TENM3: variants seen among roughly 807,000 people sequenced by gnomAD.
TENM3 encodes teneurin transmembrane protein 3.
A neutral mutation model predicts 255.1 loss-of-function variants in TENM3; 63 were observed. The ratio of observed to expected loss-of-function variants is 0.25; its 90% CI spans 0.20 to 0.30. The LOEUF (loss-of-function observed/expected upper bound fraction) is 0.30. TENM3 is among the 10% of genes least tolerant of loss of function. The pLI is 1.00. For missense variants in TENM3, 2,929 were observed against 3,461.1 expected (o/e 0.85, Z 3.86); for synonymous variants, 1,306 against 1,322.3 (o/e 0.99, Z 0.27).
chr4:182,708,818 G>A (rs1272407119), intron 12 of TENM3, among the ~76,000 whole-genome samples: 1 of 147,936 alleles, frequency 6.8e-6, no homozygotes, highest in African/African-American at 2.5e-5. Flanking sequence ...AAAAAAAGAT[G>A]TGAGACCCAG....
chr4:181,482,314 A>C, the TENM3 span, among the ~76,000 whole-genome samples: 9 of 152,132 alleles, frequency 5.9e-5, no homozygotes, highest in Admixed American at 5.9e-4. Context: ...TTATCACTTA[A>C]TACATCAACA....
chr4:182,759,525 T>C (rs1762972407), intron 22 of TENM3, among the ~76,000 whole-genome samples: 1 of 152,266 alleles, frequency 6.6e-6, no homozygotes. Flanking sequence ...TATTGCATGT[T>C]TGCTCACTGT....
At chr4:182,473,480 T>C (rs780037457) in intron 3 of TENM3, among the ~76,000 whole-genome samples, 5 of 152,164 alleles carry the variant, frequency 3.3e-5, no homozygotes, top group East Asian at 1.9e-4. Flanking sequence ...GAGACCATGC[T>C]GGCTAACACA....
chr4:182,600,945 GC>G lies in TENM3; in HGVS notation c.535del (p.Gln179SerfsTer30). 1 of 1,352,484 alleles carries G rather than the reference GC, an allele frequency of 7.4e-7. No homozygotes were observed. The highest frequency in any genetic ancestry group is 1.0e-6 in the Non-Finnish European group (1 of 985,542). 83.8% of individuals were successfully genotyped at this position (1,352,484 alleles called of 1,614,324 possible). Reference protein sequence around the residue: ...SENEQPASNQGQSTLQPLPPS... With the variant: ...SENEQPASNQXQSTLQPLPPS... ...TCAGAGCAACCTGCAAGCAATCAAG[GC>G]CAGTCTACCCTGCAGCCCTTGCCGC... On this transcript the variant is annotated frameshift_variant, in exon 4 of 28. Transcript: ENST00000511685. LOFTEE classifies it high-confidence loss of function.
the TENM3 span, among the ~76,000 whole-genome samples, chr4:181,676,813 C>A: frequency 4.6e-5 from 7 of 152,182 alleles, no homozygotes; most frequent in African/African-American, 1.7e-4. Context: ...CAAAATGATT[C>A]ACTTTGATAA....
intron 22 of TENM3, among the ~76,000 whole-genome samples, chr4:182,763,964 T>G (rs1314241145): frequency 6.6e-6 from 1 of 152,194 alleles, no homozygotes; most frequent in African/African-American, 2.4e-5. Context: ...AGATTTCTAG[T>G]TTTTTAACTT....
intron 3 of TENM3, among the ~76,000 whole-genome samples, chr4:182,561,985 C>CAGATAGATAGAT (rs60745078): frequency 0.018 from 2,618 of 145,268 alleles, 27 homozygotes; most frequent in African/African-American, 0.026. Flanking sequence ...GATAGATAGA[C>CAGATAGATAGAT]AGATAGATAG....
At chr4:182,759,597 A>ATAAT (rs1389962121) in intron 22 of TENM3, among the ~76,000 whole-genome samples, 1 of 152,232 alleles carries the variant, frequency 6.6e-6, no homozygotes, top group Non-Finnish European at 1.5e-5. Context: ...ATTAAACAAA[A>ATAAT]TAATAACTTC....
chr4:182,104,376 G>C, the TENM3 span, among the ~76,000 whole-genome samples: 2 of 151,956 alleles, frequency 1.3e-5, no homozygotes, highest in Non-Finnish European at 2.9e-5. Flanking sequence ...ATATCTTGTA[G>C]GTCACTCCTT....
At chr4:182,327,050 C>T (rs1299997886) in intron 2 of TENM3, among the ~76,000 whole-genome samples, 5 of 152,006 alleles carry the variant, frequency 3.3e-5, no homozygotes, top group South Asian at 2.1e-4. Flanking sequence ...AGGAGAGAAA[C>T]GAGTAAGGAA....
the TENM3 span, among the ~76,000 whole-genome samples, chr4:181,567,810 C>G: frequency 1.3e-5 from 2 of 152,024 alleles, no homozygotes; most frequent in East Asian, 3.9e-4. Flanking sequence ...TAGATAAATA[C>G]TATTACTGCT....
the TENM3 span, among the ~76,000 whole-genome samples, chr4:182,057,179 G>T: frequency 6.6e-6 from 1 of 151,660 alleles, no homozygotes; most frequent in Non-Finnish European, 1.5e-5. Context: ...TGCATTGGAT[G>T]ATAAGTATTT....
chr4:182,288,179 AC>A (rs1760870523), intron 1 of TENM3, among the ~76,000 whole-genome samples: 1 of 149,924 alleles, frequency 6.7e-6, no homozygotes, highest in African/African-American at 2.5e-5. Context: ...CAGGTGATCC[AC>A]CCTCCTCGGC....
the TENM3 span, among the ~76,000 whole-genome samples, chr4:181,596,153 A>G: frequency 6.6e-6 from 1 of 152,220 alleles, no homozygotes; most frequent in Non-Finnish European, 1.5e-5. Flanking sequence ...AATTATAAGT[A>G]ACTGAAGTCT....
rs186620847 is a variant in TENM3 at position 182,290,548 on chromosome 4, G to A, written c.-75-33398G>A. Among the ~76,000 whole-genome samples the A allele has an allele frequency of 3.3e-5, 5 of 152,098 alleles. No homozygotes were observed. In the East Asian group the frequency reaches 7.8e-4, roughly 24 times the overall value. Reference sequence around the variant, plus strand: ...GAGACAGTCTTGCTTTGTCGCCCAGGCAGGAGTGCGGTGGCACAATCTCTG... The same window carrying A: ...GAGACAGTCTTGCTTTGTCGCCCAGACAGGAGTGCGGTGGCACAATCTCTG... On this transcript the variant is annotated intron_variant, in intron 1 of 27. Coordinates refer to ENST00000511685, the MANE Select transcript of TENM3 (RefSeq NM_001080477.4).
the TENM3 span, among the ~76,000 whole-genome samples, chr4:181,625,320 G>GT: frequency 6.6e-6 from 1 of 152,154 alleles, no homozygotes; most frequent in African/African-American, 2.4e-5. Context: ...GTTTGCTTCT[G>GT]TTACAAATGG....
the TENM3 span, among the ~76,000 whole-genome samples, chr4:181,905,270 A>C: frequency 2.6e-5 from 4 of 152,150 alleles, no homozygotes; most frequent in Non-Finnish European, 5.9e-5. Context: ...ACTGGTGGTA[A>C]GCCTTCATAA....
At chr4:182,624,219 A>G (rs1008997464) in intron 4 of TENM3, among the ~76,000 whole-genome samples, 10 of 152,146 alleles carry the variant, frequency 6.6e-5, no homozygotes, top group African/African-American at 2.4e-4. Flanking sequence ...TCTAAGGGGA[A>G]TCTTTGTTTT....
chr4:182,063,926 T>G, the TENM3 span, among the ~76,000 whole-genome samples: 1 of 152,118 alleles, frequency 6.6e-6, no homozygotes, highest in Admixed American at 6.5e-5. Flanking sequence ...AAGGCATTCA[T>G]GGAGTTGGCA....
Sources: allele counts gnomAD v4.1 joint callset (sites outside exome capture counted in the v4.1 genomes callset), GRCh38; gene constraint gnomAD v4.1.1; transcripts MANE v1.5; gene names NCBI Gene and HGNC (gene_info 2026-07-23, HGNC 2026-07-21).